RFX8: variants seen among roughly 807,000 people sequenced by gnomAD.
The protein encoded by RFX8 is DNA-binding protein RFX8.
A neutral mutation model predicts 54.6 loss-of-function variants in RFX8; 46 were observed. The ratio of observed to expected loss-of-function variants is 0.84; its 90% confidence interval spans 0.67 to 1.08. RFX8 has a LOEUF of 1.08. RFX8 is among the 50% of genes least tolerant of loss of function. The pLI, the probability that RFX8 is intolerant of heterozygous loss-of-function variation, is 0.00. For synonymous variants in RFX8, 192 were observed against 209.5 expected (o/e 0.92, Z 0.72); for missense variants, 536 against 562.3 (o/e 0.95, Z 0.47).
rs537940079 is a variant in RFX8, at chr2:101,420,381, A to G, written c.237+1343T>C. Among the ~76,000 whole-genome samples, 518 of 152,146 alleles carry G rather than the reference A, an allele frequency of 3.4e-3. 2 individuals are homozygous for G. The highest frequency in any genetic ancestry group is 3.6e-3 in the Non-Finnish European group (244 of 68,010). On this transcript the variant is annotated intron_variant, in intron 4 of 11. Coordinates refer to ENST00000428343, the MANE Select transcript of RFX8 (RefSeq NM_001145664.2). ...GCATGGTAAAAACCCCGTCTCTACT[A>G]AAAATACAAAAAATTAGCCGGGCAT...
intron 5 of RFX8, 48 bp from the exon 6 acceptor site, chr2:101,417,732 G>C (rs1384649109): frequency 6.7e-7 from 1 of 1,483,284 alleles, no homozygotes; most frequent in African/African-American, 1.4e-5. Flanking sequence ...TGGTGCAGGT[G>C]TGGCTGAAGC....
At chr2:101,401,596 A>T (rs1685449335) in intron 11 of RFX8, among the ~76,000 whole-genome samples, 1 of 152,192 alleles carries the variant, frequency 6.6e-6, no homozygotes, top group Non-Finnish European at 1.5e-5. Flanking sequence ...CAGAGAAATT[A>T]GCCCTAAGAC....
At chr2:101,411,718 G>A (rs1437416009) in intron 8 of RFX8, among the ~76,000 whole-genome samples, 1 of 152,154 alleles carries the variant, frequency 6.6e-6, no homozygotes, top group Admixed American at 6.5e-5. Flanking sequence ...AAAAAAAAGT[G>A]CCCTATGGGA....
At chr2:101,435,113 C>T (rs1000038474) in intron 2 of RFX8, 7 of 152,474 alleles carry the variant, frequency 4.6e-5, no homozygotes, top group Admixed American at 3.3e-4. Context: ...TCTGCTCCGC[C>T]GTCTGCACAG....
intron 2 of RFX8, among the ~76,000 whole-genome samples, chr2:101,448,956 A>G (rs1480849081): frequency 6.6e-6 from 1 of 152,198 alleles, no homozygotes; most frequent in Admixed American, 6.5e-5. Context: ...AAGTGGAAGA[A>G]AGAACTTTCC....
chr2:101,429,931 G>C (rs995471342), intron 2 of RFX8, among the ~76,000 whole-genome samples: 4 of 152,160 alleles, frequency 2.6e-5, no homozygotes, highest in Non-Finnish European at 4.4e-5. Flanking sequence ...GTCCTCCCCA[G>C]CCTCTTGAAA....
chr2:101,409,449 A>G (rs775957614), intron 9 of RFX8, among the ~76,000 whole-genome samples: 27 of 151,788 alleles, frequency 1.8e-4, no homozygotes, highest in Non-Finnish European at 3.1e-4. Flanking sequence ...AATGGTCTCC[A>G]TCTCCTGACC....
intron 2 of RFX8, among the ~76,000 whole-genome samples, chr2:101,424,533 C>T (rs6734060): frequency 0.98 from 148,713 of 152,174 alleles, 72,790 homozygotes; most frequent in Middle Eastern, 1. Context: ...ACCCAAAGGA[C>T]TATAAATCAT....
At chr2:101,441,549 T>C (rs912949792) in intron 2 of RFX8, among the ~76,000 whole-genome samples, 1 of 152,190 alleles carries the variant, frequency 6.6e-6, no homozygotes, top group Non-Finnish European at 1.5e-5. Flanking sequence ...GAACTTAGAC[T>C]TCTCAGCCTT....
chr2:101,429,422 A>G (rs1687365347), intron 2 of RFX8, among the ~76,000 whole-genome samples: 1 of 152,244 alleles, frequency 6.6e-6, no homozygotes, highest in South Asian at 2.1e-4. Flanking sequence ...TTTACAGAGC[A>G]AAGAAACTGG....
chr2:101,469,081 T>TATATATATATGTATGTATATAC (rs1558896774), intron 1 of RFX8, among the ~76,000 whole-genome samples: 1 of 10,676 alleles, frequency 9.4e-5, no homozygotes, highest in South Asian at 4.1e-3. Flanking sequence ...TATATATAAG[T>TATATATATATGTATGTATATAC]GTATATATAT....
chr2:101,458,696 C>T (rs978963211), intron 2 of RFX8, among the ~76,000 whole-genome samples: 1 of 152,094 alleles, frequency 6.6e-6, no homozygotes, highest in Non-Finnish European at 1.5e-5. Context: ...TCTTGGGTTG[C>T]TCTTTTTGAG....
At chr2:101,418,600 G>A (rs1450417569) in intron 5 of RFX8, among the ~76,000 whole-genome samples, 2 of 152,140 alleles carry the variant, frequency 1.3e-5, no homozygotes, top group Non-Finnish European at 2.9e-5. Flanking sequence ...AAAGAACTTC[G>A]ACTCAATTCG....
chr2:101,437,320 G>A (rs1171655668), intron 2 of RFX8, among the ~76,000 whole-genome samples: 1 of 151,896 alleles, frequency 6.6e-6, no homozygotes, highest in Admixed American at 6.6e-5. Context: ...CCCAACTGTC[G>A]CCAGCTACTT....
At chr2:101,440,486 C>T (rs534491175) in intron 2 of RFX8, among the ~76,000 whole-genome samples, 4 of 152,276 alleles carry the variant, frequency 2.6e-5, no homozygotes, top group East Asian at 1.9e-4. Flanking sequence ...GGTGCCGAGT[C>T]GCTAACGGGC....
intron 9 of RFX8, among the ~76,000 whole-genome samples, chr2:101,406,875 C>T (rs1685767324): frequency 6.6e-6 from 1 of 152,172 alleles, no homozygotes; most frequent in Non-Finnish European, 1.5e-5. Flanking sequence ...TGTAACCAAG[C>T]TCCAAACTGC....
intron 2 of RFX8, among the ~76,000 whole-genome samples, chr2:101,442,435 A>T (rs1458903872): frequency 6.6e-6 from 1 of 151,878 alleles, no homozygotes; most frequent in Non-Finnish European, 1.5e-5. Context: ...CTAGTGGCAA[A>T]TTTTTTTGGT....
At chr2:101,412,225 A>G (rs2104550253) in intron 8 of RFX8, among the ~76,000 whole-genome samples, 1 of 152,300 alleles carries the variant, frequency 6.6e-6, no homozygotes, top group Admixed American at 6.5e-5. Context: ...CATAATCGGT[A>G]ACCATCCTGC....
At chr2:101,402,805 C>G in intron 10 of RFX8, 53 bp from the exon 11 acceptor site, 1 of 1,456,632 alleles carries the variant, frequency 6.9e-7, no homozygotes, top group Non-Finnish European at 9.2e-7. Context: ...AGACAATAAA[C>G]AAATCATTGT....
Sources: gnomAD v4.1 joint callset for allele counts (sites outside exome capture counted in the v4.1 genomes callset) on GRCh38, gnomAD v4.1.1 for gene constraint, MANE v1.5 for transcripts, NCBI Gene and HGNC (gene_info 2026-07-23, HGNC 2026-07-21) for gene names.